Variants in MGLL observed in about 807,000 individuals in gnomAD.
The protein encoded by MGLL is monoglyceride lipase, also known as lysophospholipase homolog.
A neutral mutation model predicts 29.1 loss-of-function variants in MGLL; 7 were observed. The ratio of observed to expected loss-of-function variants is 0.24; its 90% CI spans 0.14 to 0.45. The LOEUF is 0.45. Among genes scored for constraint, MGLL ranks in the 20% least tolerant of loss-of-function variants. The pLI, the probability that MGLL is intolerant of heterozygous loss-of-function variation, is 0.99. For missense variants in MGLL, 356 were observed against 413.6 expected (o/e 0.86, Z 1.21); for synonymous variants, 148 against 168.3 (o/e 0.88, Z 0.93).
At chr3:127,778,283 G>A (rs938579039) in intron 3 of MGLL, among the ~76,000 whole-genome samples, 4 of 152,122 alleles carry the variant, frequency 2.6e-5, no homozygotes, top group Non-Finnish European at 4.4e-5. Flanking sequence ...TCTTCAGAAC[G>A]GCCTGTGCAG....
chr3:127,765,194 G>A (rs1308745561), intron 3 of MGLL, among the ~76,000 whole-genome samples: 1 of 152,158 alleles, frequency 6.6e-6, no homozygotes, highest in Admixed American at 6.5e-5. Flanking sequence ...ACAGGATCAC[G>A]TGTAAGTAAT....
At chr3:127,729,530 G>A (rs1412668981) in intron 3 of MGLL, among the ~76,000 whole-genome samples, 1 of 151,962 alleles carries the variant, frequency 6.6e-6, no homozygotes, top group Non-Finnish European at 1.5e-5. Flanking sequence ...AAAGTGTACC[G>A]ATTTAGTGGC....
In MGLL at chr3:127,722,749, C is replaced by T. The variant is rs1401848701; in HGVS notation, c.263-183G>A. ...TCCCCACTTTTTATGGATTAGGAAA[C>T]TGAGGCACAGAGTGGTTGAGGAATG... On this transcript the variant is annotated intron_variant, in intron 3 of 7. Transcript: ENST00000265052. Among the ~76,000 whole-genome samples the T allele has an allele frequency of 2.6e-5, 4 of 152,298 alleles. No individual in the cohort carries two copies. The East Asian group carries it at 7.7e-4, about 29-fold the overall frequency.
At chr3:127,710,764 C>A in intron 5 of MGLL, 99 bp from the exon 6 acceptor site, 1 of 1,072,902 alleles carries the variant, frequency 9.3e-7, no homozygotes, top group Non-Finnish European at 1.4e-6. Flanking sequence ...GAGTGATGCC[C>A]AAACTGAACA....
chr3:127,792,556 A>G (rs1171258044), intron 2 of MGLL, among the ~76,000 whole-genome samples: 3 of 152,196 alleles, frequency 2.0e-5, no homozygotes, highest in Non-Finnish European at 4.4e-5. Flanking sequence ...TACAAAAATT[A>G]GCTGGGTGTT....
chr3:127,757,349 C>T (rs570491543), intron 3 of MGLL, among the ~76,000 whole-genome samples: 12 of 152,200 alleles, frequency 7.9e-5, no homozygotes, highest in African/African-American at 2.9e-4. Context: ...CTGGCTCAGT[C>T]GGGAAGGCAG....
chr3:127,700,947 G>T (rs1004853714), intron 6 of MGLL, among the ~76,000 whole-genome samples: 2 of 152,160 alleles, frequency 1.3e-5, no homozygotes, highest in East Asian at 3.9e-4. Flanking sequence ...GGGCACGGTG[G>T]TGCATGCCTG....
At chr3:127,702,190 G>A (rs961883373) in intron 6 of MGLL, among the ~76,000 whole-genome samples, 17 of 152,236 alleles carry the variant, frequency 1.1e-4, no homozygotes, top group Non-Finnish European at 2.1e-4. Context: ...TCCCCTCTGG[G>A]CCACTGCAGT....
chr3:127,726,194 G>GAAAGA lies in MGLL; in HGVS notation c.263-3633_263-3629dup, dbSNP rs1559926429. On this transcript the variant is annotated intron_variant, in intron 3 of 7. Transcript: ENST00000265052. ...AAAGAAAGAAAGAAAGAAAAGAAAAGAAAGAAAGAAAGACAGAAGGAAGGA... is the reference window on the plus strand; with the variant it reads ...AAAGAAAGAAAGAAAGAAAAGAAAAGAAAGAAAAGAAAGAAAGACAGAAGGAAGGA... Among the ~76,000 whole-genome samples the GAAAGA allele has an allele frequency of 9.8e-3, 733 of 74,902 alleles. 12 individuals carry two copies. The highest frequency in any genetic ancestry group is 0.014 in the East Asian group (37 of 2,578). 49.1% of individuals were successfully genotyped at this position (74,902 alleles called of 152,430 possible). A position where few individuals can be genotyped will look rare whatever the true frequency, so the allele number is the denominator to read the frequency against.
intron 2 of MGLL, among the ~76,000 whole-genome samples, chr3:127,813,200 T>A (rs1255684413): frequency 6.6e-6 from 1 of 152,100 alleles, no homozygotes; most frequent in African/African-American, 2.4e-5. Flanking sequence ...GCTTCCCTCC[T>A]TTTTGTTTGG....
intron 3 of MGLL, among the ~76,000 whole-genome samples, chr3:127,733,846 G>A (rs777906142): frequency 3.9e-5 from 6 of 152,234 alleles, no homozygotes; most frequent in Non-Finnish European, 8.8e-5. Flanking sequence ...TTGCCTCTGA[G>A]CAGAGGGATG....
At chr3:127,777,695 C>T (rs2077059364) in intron 3 of MGLL, among the ~76,000 whole-genome samples, 1 of 127,552 alleles carries the variant, frequency 7.8e-6, no homozygotes, top group African/African-American at 2.7e-5. Context: ...GTCCTTGCAC[C>T]TGCCTCAGAC....
chr3:127,706,524 T>A (rs2075605032), intron 6 of MGLL, among the ~76,000 whole-genome samples: 1 of 152,152 alleles, frequency 6.6e-6, no homozygotes, highest in Non-Finnish European at 1.5e-5. Flanking sequence ...AGCTGGAACA[T>A]CTACAGAGGG....
At chr3:127,772,548 G>T (rs1036135943) in intron 3 of MGLL, among the ~76,000 whole-genome samples, 1 of 152,204 alleles carries the variant, frequency 6.6e-6, no homozygotes, top group African/African-American at 2.4e-5. Flanking sequence ...GCTCTTGAGG[G>T]AGTGGTCTGG....
At chr3:127,730,515 C>T (rs2076130565) in intron 3 of MGLL, among the ~76,000 whole-genome samples, 1 of 152,154 alleles carries the variant, frequency 6.6e-6, no homozygotes. Context: ...TCCTTTAAGG[C>T]CCTTTAAATC....
chr3:127,710,466 C>T, intron 6 of MGLL, 110 bp downstream of exon 6: 1 of 1,030,644 alleles, frequency 9.7e-7, no homozygotes, highest in Non-Finnish European at 1.5e-6. Flanking sequence ...TCACTTTGCA[C>T]AGGGCCTCGG....
rs150639492 is a variant in MGLL at position 127,720,422 on chromosome 3, G to T, written c.510+631C>A. 5.4e-3 allele frequency among the ~76,000 whole-genome samples: 821 copies of T among 152,264 alleles called. 7 individuals are homozygous for T. The highest frequency in any genetic ancestry group is 0.019 in the African/African-American group (785 of 41,544). On this transcript the variant is annotated intron_variant, in intron 5 of 7. Coordinates refer to ENST00000265052, the MANE Select transcript of MGLL (RefSeq NM_007283.7). The stretch of plus-strand genomic sequence containing the variant: ...GTCACAAGCAAGCCGCCCTACCGAG[G>T]CCACTGGTTTCATCTCCTTTCTCGG...
intron 3 of MGLL, among the ~76,000 whole-genome samples, chr3:127,763,733 C>T (rs145709272): frequency 5.0e-4 from 76 of 152,292 alleles, no homozygotes; most frequent in Middle Eastern, 3.4e-3. Context: ...CTTCCCCTCC[C>T]GCCCCTTCTC....
intron 5 of MGLL, chr3:127,715,562 T>G (rs1056829606): frequency 1.0e-5 from 4 of 393,498 alleles, no homozygotes; most frequent in Non-Finnish European, 2.1e-5. Flanking sequence ...TTAAGATTTG[T>G]TGATTTCATG....
Sources: gnomAD v4.1 joint callset for allele counts (sites outside exome capture counted in the v4.1 genomes callset) on GRCh38, gnomAD v4.1.1 for gene constraint, MANE v1.5 for transcripts, NCBI Gene and HGNC (gene_info 2026-07-23, HGNC 2026-07-21) for gene names.